The following EPB41L4A variants were observed in gnomAD, a reference collection of about 807,000 sequenced individuals.
EPB41L4A encodes erythrocyte membrane protein band 4.1 like 4A.
Under a neutral mutation model 108.6 loss-of-function variants are expected in EPB41L4A, and 100 were observed. That is an observed-to-expected ratio of 0.92 (90% CI 0.78 to 1.09). The LOEUF (loss-of-function observed/expected upper bound fraction) is 1.09. EPB41L4A is among the 50% of genes least tolerant of loss of function. EPB41L4A has a pLI of 0.00. For synonymous variants in EPB41L4A, 319 were observed against 289.0 expected (o/e 1.10, Z -1.05); for missense variants, 1,030 against 842.7 (o/e 1.22, Z -2.75).
chr5:112,285,557 A>G (rs1180429725), intron 2 of EPB41L4A, among the ~76,000 whole-genome samples: 6 of 152,180 alleles, frequency 3.9e-5, no homozygotes, highest in Non-Finnish European at 8.8e-5. Context: ...TAAAACCACC[A>G]TAATAGAGCT....
chr5:112,278,201 C>G lies in EPB41L4A; in HGVS notation c.256+2071G>C, dbSNP rs189357714. On this transcript the variant is annotated intron_variant, in intron 3 of 22. Coordinates refer to ENST00000261486, the MANE Select transcript of EPB41L4A (RefSeq NM_022140.5). ...AGATAAAATGTAAGGATTCTTCAGT[C>G]ACTAACGTTTCGTCAATTATAATAC... Among the ~76,000 whole-genome samples, 8 of 152,178 alleles carry G rather than the reference C, an allele frequency of 5.3e-5. No individual in the cohort carries two copies. The East Asian group carries it at 1.5e-3, about 29-fold the overall frequency.
chr5:112,283,630 A>T (rs1753097993), intron 2 of EPB41L4A, among the ~76,000 whole-genome samples: 2 of 152,192 alleles, frequency 1.3e-5, no homozygotes, highest in Non-Finnish European at 2.9e-5. Flanking sequence ...CTAGAGGTAG[A>T]CTCTAAAACT....
At chr5:112,394,689 C>G (rs930007146) in intron 1 of EPB41L4A, among the ~76,000 whole-genome samples, 1 of 152,250 alleles carries the variant, frequency 6.6e-6, no homozygotes, top group South Asian at 2.1e-4. Context: ...AGATTCAATG[C>G]CATCCCCATC....
intron 1 of EPB41L4A, among the ~76,000 whole-genome samples, chr5:112,320,989 G>C (rs903487903): frequency 1.1e-4 from 17 of 152,222 alleles, no homozygotes; most frequent in African/African-American, 4.1e-4. Flanking sequence ...ATGACTTCAA[G>C]TTTCCTGAAA....
chr5:112,261,255 C>G (rs918117876), intron 7 of EPB41L4A, among the ~76,000 whole-genome samples: 1 of 152,118 alleles, frequency 6.6e-6, no homozygotes, highest in Non-Finnish European at 1.5e-5. Context: ...AGGAATGCTT[C>G]TAACTGTAAA....
At chr5:112,353,893 G>T (rs1309744643) in intron 1 of EPB41L4A, among the ~76,000 whole-genome samples, 1 of 152,168 alleles carries the variant, frequency 6.6e-6, no homozygotes, top group African/African-American at 2.4e-5. Flanking sequence ...TGGGCACTCG[G>T]AGAGGTGGCA....
At chr5:112,259,777 A>G in intron 8 of EPB41L4A, 114 bp downstream of exon 8, 1 of 750,888 alleles carries the variant, frequency 1.3e-6, no homozygotes, top group South Asian at 1.6e-5. Flanking sequence ...TCACTCATTT[A>G]TTTATCACCC....
At chr5:112,181,322 G>A (rs1761139680) in intron 18 of EPB41L4A, among the ~76,000 whole-genome samples, 2 of 152,076 alleles carry the variant, frequency 1.3e-5, no homozygotes. Flanking sequence ...GTGGTGGCGG[G>A]CGCCTCTTGT....
At chr5:112,388,831 A>G (rs891277143) in intron 1 of EPB41L4A, among the ~76,000 whole-genome samples, 2 of 152,188 alleles carry the variant, frequency 1.3e-5, no homozygotes, top group African/African-American at 4.8e-5. Context: ...ACTTGGTTGG[A>G]TAACTGGTCT....
chr5:112,237,169 A>G (rs754347499), intron 11 of EPB41L4A, among the ~76,000 whole-genome samples: 1 of 152,240 alleles, frequency 6.6e-6, no homozygotes, highest in Non-Finnish European at 1.5e-5. Flanking sequence ...ATAGCAATGT[A>G]TAACAAAATG....
At chr5:112,408,398 C>G (rs754983557) in intron 1 of EPB41L4A, among the ~76,000 whole-genome samples, 3 of 151,716 alleles carry the variant, frequency 2.0e-5, no homozygotes, top group African/African-American at 7.3e-5. Flanking sequence ...TATAAGGAAC[C>G]CTTCAGAAAG....
At chr5:112,144,358 C>T (rs982465172) in intron 13 of EPB41L4A, among the ~76,000 whole-genome samples, 2 of 152,178 alleles carry the variant, frequency 1.3e-5, no homozygotes, top group African/African-American at 4.8e-5. Context: ...AATCACGGCT[C>T]ACTGCAACCT....
chr5:112,231,674 A>C (rs1209336247), intron 12 of EPB41L4A, among the ~76,000 whole-genome samples: 1 of 149,914 alleles, frequency 6.7e-6, no homozygotes, highest in African/African-American at 2.5e-5. Flanking sequence ...AGTCCCAGCT[A>C]CTCGGGAGGC....
chr5:112,351,193 T>G (rs373618590), intron 1 of EPB41L4A, among the ~76,000 whole-genome samples: 20 of 152,124 alleles, frequency 1.3e-4, no homozygotes, highest in Non-Finnish European at 2.9e-4. Flanking sequence ...AAATGAGAAG[T>G]TGGTTTTTTA....
At chr5:112,237,954 G>C (rs909842207) in intron 11 of EPB41L4A, among the ~76,000 whole-genome samples, 3 of 152,076 alleles carry the variant, frequency 2.0e-5, no homozygotes, top group Non-Finnish European at 4.4e-5. Flanking sequence ...TCACTTCCTT[G>C]GAAGAAATGA....
intron 11 of EPB41L4A, among the ~76,000 whole-genome samples, chr5:112,237,401 C>CT (rs1749424141): frequency 6.6e-6 from 1 of 152,096 alleles, no homozygotes; most frequent in Non-Finnish European, 1.5e-5. Flanking sequence ...TTTTGCAAGC[C>CT]TTAAAATGCA....
At chr5:112,281,075 G>C (rs951478475) in intron 2 of EPB41L4A, among the ~76,000 whole-genome samples, 4 of 152,166 alleles carry the variant, frequency 2.6e-5, no homozygotes, top group African/African-American at 9.7e-5. Context: ...ATGTAACTTA[G>C]GACAAGCAAC....
intron 7 of EPB41L4A, among the ~76,000 whole-genome samples, chr5:112,261,414 C>T (rs1751473862): frequency 1.3e-5 from 2 of 152,110 alleles, no homozygotes. Flanking sequence ...TAAAAAAAAT[C>T]AGTCTATAAA....
chr5:112,349,388 G>C (rs1561595228), intron 1 of EPB41L4A, among the ~76,000 whole-genome samples: 1 of 152,122 alleles, frequency 6.6e-6, no homozygotes, highest in African/African-American at 2.4e-5. Context: ...CAAGAATAGA[G>C]GTGAAGGGAA....
Sources: gnomAD v4.1 joint callset for allele counts (sites outside exome capture counted in the v4.1 genomes callset) on GRCh38, gnomAD v4.1.1 for gene constraint, MANE v1.5 for transcripts, NCBI Gene and HGNC (gene_info 2026-07-23, HGNC 2026-07-21) for gene names.